The following CPS1 variants were observed in gnomAD, a reference collection of about 807,000 sequenced individuals.
CPS1 encodes carbamoyl-phosphate synthase [ammonia], mitochondrial.
CPS1 carries 109 observed loss-of-function variants against 174.6 expected under a neutral mutation model. The observed-to-expected ratio is 0.62, with a 90% confidence interval of 0.53 to 0.73. The LOEUF (loss-of-function observed/expected upper bound fraction) is 0.73. Among genes scored for constraint, CPS1 ranks in the 30% least tolerant of loss-of-function variants. CPS1 has a pLI of 0.00. For missense variants in CPS1, 1,689 were observed against 1,821.9 expected, an observed-to-expected ratio of 0.93 and a Z score of 1.33; for synonymous variants, 637 against 632.0, an observed-to-expected ratio of 1.01 and a Z score of -0.12.
chr2:210,603,000 A>G (rs1280341408), intron 16 of CPS1, among the ~76,000 whole-genome samples: 2 of 152,004 alleles, frequency 1.3e-5, no homozygotes, highest in Non-Finnish European at 2.9e-5. Context: ...AAAGTAAGCT[A>G]TGCTACAAAA....
chr2:210,616,644 G>A, intron 21 of CPS1, 103 bp downstream of exon 21: 1 of 804,704 alleles, frequency 1.2e-6, no homozygotes, highest in Non-Finnish European at 2.2e-6. Context: ...GATTCAATGA[G>A]GTAGATAGTG....
At chr2:210,521,974 A>G (rs988878230) in intron 1 of CPS1, among the ~76,000 whole-genome samples, 3 of 151,916 alleles carry the variant, frequency 2.0e-5, no homozygotes, top group Non-Finnish European at 4.4e-5. Flanking sequence ...TCTTGCTCTT[A>G]TGACTTCTTA....
chr2:210,642,681 C>T lies in CPS1; in HGVS notation c.3141+16C>T. The T allele has an allele frequency of 6.2e-7, 1 of 1,608,098 alleles. No individual in the cohort carries two copies. Among genetic ancestry groups the T allele is most frequent in the South Asian group, 1.1e-5 (1 of 90,428 alleles). ...CCATCAGGAGGTAAGAAAAGAAAAA[C>T]AGAAAAAAAAGAAAAAAGAAGACAG... On this transcript the variant is annotated intron_variant, in intron 25 of 37. Coordinates refer to ENST00000233072, the MANE Select transcript of CPS1 (RefSeq NM_001875.5).
chr2:210,567,837 T>C (rs1697352958), intron 1 of CPS1, among the ~76,000 whole-genome samples: 1 of 152,150 alleles, frequency 6.6e-6, no homozygotes, highest in Non-Finnish European at 1.5e-5. Flanking sequence ...ATGTGAAATA[T>C]TTGTCTTTGC....
intron 34 of CPS1, among the ~76,000 whole-genome samples, chr2:210,669,228 T>C (rs2105934532): frequency 6.6e-6 from 1 of 152,288 alleles, no homozygotes; most frequent in African/African-American, 2.4e-5. Context: ...TGCTTTTTAT[T>C]ACTATTCAGA....
intron 20 of CPS1, among the ~76,000 whole-genome samples, chr2:210,615,159 T>G (rs1384094886): frequency 6.6e-6 from 1 of 151,982 alleles, no homozygotes; most frequent in Non-Finnish European, 1.5e-5. Context: ...CTTTGATCTC[T>G]TAAAAGTTTC....
At chr2:210,510,415 C>T (rs1288734109) in intron 1 of CPS1, among the ~76,000 whole-genome samples, 7 of 151,996 alleles carry the variant, frequency 4.6e-5, no homozygotes, top group Non-Finnish European at 8.8e-5. Flanking sequence ...GACCTAAAAC[C>T]ATAAAAACCC....
chr2:210,559,726 C>A (rs1255812954), intron 1 of CPS1, among the ~76,000 whole-genome samples: 2 of 152,072 alleles, frequency 1.3e-5, no homozygotes, highest in Non-Finnish European at 2.9e-5. Context: ...GAATCTAACC[C>A]CTGTTATGCA....
chr2:210,565,443 G>A (rs918276430), intron 1 of CPS1, among the ~76,000 whole-genome samples: 8 of 152,072 alleles, frequency 5.3e-5, no homozygotes, highest in Non-Finnish European at 1.2e-4. Flanking sequence ...CATTTTTCTT[G>A]ATATCCATAT....
At chr2:210,621,190 G>A (rs553784088) in intron 21 of CPS1, among the ~76,000 whole-genome samples, 1 of 152,220 alleles carries the variant, frequency 6.6e-6, no homozygotes, top group East Asian at 1.9e-4. Context: ...TGGTGTAGTA[G>A]CATTAACTGA....
At chr2:210,593,125 G>A (rs766638804) in intron 11 of CPS1, among the ~76,000 whole-genome samples, 169 bp downstream of exon 11, 22 of 151,858 alleles carry the variant, frequency 1.4e-4, no homozygotes, top group Non-Finnish European at 2.5e-4. Context: ...ATGTCACAGA[G>A]GAAATTTTTA....
chr2:210,666,934 C>A (rs1210724745), intron 33 of CPS1, among the ~76,000 whole-genome samples: 7 of 152,152 alleles, frequency 4.6e-5, no homozygotes, highest in Non-Finnish European at 1.0e-4. Flanking sequence ...GCCATTTTCA[C>A]AATATTGATT....
chr2:210,663,267 T>A, intron 33 of CPS1, 70 bp downstream of exon 33: 1 of 1,417,186 alleles, frequency 7.1e-7, no homozygotes, highest in South Asian at 1.2e-5. Context: ...ATGATTTGAA[T>A]ACAGTAAAAT....
intron 13 of CPS1, 48 bp from the exon 14 acceptor site, chr2:210,599,324 C>T (rs774508498): frequency 6.4e-7 from 1 of 1,562,908 alleles, no homozygotes; most frequent in Non-Finnish European, 8.8e-7. Context: ...TGGTCATTCT[C>T]TTCTTTAGAC....
chr2:210,517,549 G>A (rs568225320), intron 1 of CPS1, among the ~76,000 whole-genome samples: 1 of 152,106 alleles, frequency 6.6e-6, no homozygotes, highest in South Asian at 2.1e-4. Flanking sequence ...ATGTGGCTTT[G>A]TTCAGCAGTG....
At chr2:210,505,967 A>T (rs1338543616) in intron 1 of CPS1, among the ~76,000 whole-genome samples, 2 of 148,618 alleles carry the variant, frequency 1.3e-5, no homozygotes, top group Non-Finnish European at 3.0e-5. Context: ...GGGGGCAGGC[A>T]TAGCCAAACA....
chr2:210,551,900 C>A (rs1307228849), upstream of CPS1, among the ~76,000 whole-genome samples: 2 of 151,928 alleles, frequency 1.3e-5, no homozygotes, highest in African/African-American at 2.4e-5. Context: ...TTTCAAACAA[C>A]TTTAAGTCTT....
Position 210,639,733 on chromosome 2 carries a change from A to G in CPS1, c.2896-263A>G, listed in dbSNP as rs192878324. On this transcript the variant is annotated intron_variant, in intron 23 of 37. Transcript: ENST00000233072. ...GATAATGAAATCAAACAAATGAAAAATTAAGGACAATGACTACATGATCAT... is the reference window on the plus strand; with the variant it reads ...GATAATGAAATCAAACAAATGAAAAGTTAAGGACAATGACTACATGATCAT... Among the ~76,000 whole-genome samples, 207 of 152,246 alleles carry G rather than the reference A, an allele frequency of 1.4e-3. 7 individuals carry two copies. The South Asian group carries it at 0.041, about 31-fold the overall frequency.
At position 210,606,817 on chromosome 2, in the gene CPS1, C is replaced by A; in HGVS notation, c.2068C>A (p.His690Asn). ...ACGTACTTCAATCAATGTTGTTCGC[C>A]ACTTGGGCATTGTGGGTGAATGCAA... is the stretch of plus-strand genomic sequence containing the variant. Reference protein sequence around the residue: ...LRRTSINVVRHLGIVGECNIQ... With the variant: ...LRRTSINVVRNLGIVGECNIQ... Residue 690 changes from histidine to asparagine, a missense_variant, in exon 18 of 38, where the codon CAC (histidine) becomes AAC (asparagine). By Grantham distance (68) the His-to-Asn change is moderately conservative. Transcript: ENST00000233072. 6.2e-7 allele frequency: 1 copy of A among 1,612,660 alleles called. No homozygotes were observed. The highest frequency in any genetic ancestry group is 8.5e-7 in the Non-Finnish European group (1 of 1,179,130).
Sources: allele counts gnomAD v4.1 joint callset (sites outside exome capture counted in the v4.1 genomes callset), GRCh38; gene constraint gnomAD v4.1.1; transcripts MANE v1.5; gene names NCBI Gene and HGNC (gene_info 2026-07-23, HGNC 2026-07-21).